TLN2: variants seen among roughly 807,000 people sequenced by gnomAD.
TLN2 encodes talin-2.
TLN2 carries 118 observed loss-of-function variants against 294.7 expected under a neutral mutation model. That is an observed-to-expected ratio of 0.40 (90% confidence interval 0.34 to 0.47). The LOEUF is 0.47. Ranked by LOEUF, TLN2 falls within the 20% of genes least tolerant of loss-of-function variation. The pLI is 0.84. For missense variants in TLN2, 3,083 were observed against 3,282.2 expected (o/e 0.94, Z 1.48); for synonymous variants, 1,431 against 1,304.5 (o/e 1.10, Z -2.09).
chr15:62,709,717 CT>C (rs1555483275), intron 21 of TLN2, among the ~76,000 whole-genome samples: 13 of 120,688 alleles, frequency 1.1e-4, no homozygotes, highest in South Asian at 5.3e-4. Flanking sequence ...ATCTTAAAGA[CT>C]TTTTTTTTCT....
chr15:62,437,209 T>C (rs2035327193), intron 1 of TLN2, among the ~76,000 whole-genome samples: 1 of 152,202 alleles, frequency 6.6e-6, no homozygotes, highest in African/African-American at 2.4e-5. Flanking sequence ...GGAGGGCGTC[T>C]CCCATGTTGG....
rs1424834542 is a variant in TLN2, at chr15:62,738,261, C to T, written c.3615C>T (p.Leu1205=). 6.2e-7 allele frequency: 1 copy of T among 1,614,036 alleles called. No homozygotes were observed. Among genetic ancestry groups the T allele is most frequent in the Non-Finnish European group, 8.5e-7 (1 of 1,180,012 alleles). The change falls in exon 30 of 59, where the codon CTC becomes CTT. Residue 1205 remains leucine (L), a synonymous_variant. Coordinates refer to ENST00000636159, the MANE Select transcript of TLN2 (RefSeq NM_015059.3). ...SHSLNNCVNC[L]PGQKDVDVAL... ...CCTTGAATAACTGCGTAAATTGCCT[C>T]CCTGGGCAGAAGGATGTGGACGTGG...
intron 54 of TLN2, chr15:62,829,156 ATATAATATATAT>A (rs967219607): frequency 4.2e-4 from 2 of 4,786 alleles, no homozygotes; most frequent in African/African-American, 4.5e-4. Context: ...AGGTATATAT[ATATAATATATAT>A]TATATTATAT....
At chr15:62,588,665 CATATATATAT>C (rs3055752) in intron 1 of TLN2, among the ~76,000 whole-genome samples, 6,078 of 71,410 alleles carry the variant, frequency 0.085, 299 homozygotes, top group South Asian at 0.28. Flanking sequence ...ACATTTTTTT[CATATATATAT>C]ATATATATAT....
At chr15:62,829,669 C>CTAAT (rs1567697401) in intron 54 of TLN2, 1 of 152,184 alleles carries the variant, frequency 6.6e-6, no homozygotes, top group African/African-American at 2.4e-5. Flanking sequence ...TTACACTGTT[C>CTAAT]TAATTATTTT....
rs2058167815 is a variant in TLN2, at chr15:62,694,337, G to A, written c.1237G>A (p.Gly413Arg). 1 of 1,613,900 alleles carries A rather than the reference G, an allele frequency of 6.2e-7. No homozygotes were observed. The highest frequency in any genetic ancestry group is 1.3e-5 in the African/African-American group (1 of 74,866). The change falls in exon 14 of 59, where the codon GGA (glycine) becomes AGA (arginine). Residue 413 changes from glycine to arginine, a missense_variant. Gly to Arg is a moderately radical substitution (Grantham distance 125). Coordinates refer to ENST00000636159, the MANE Select transcript of TLN2 (RefSeq NM_015059.3). Reference protein sequence around the residue: ...LKKKQSKDRFGLEGDEESTML... With the variant: ...LKKKQSKDRFRLEGDEESTML... ...CCAGAAACAAAGTAAAGATCGATTTGGACTAGAAGGTGATGAGGAGTCAAC... is the reference window on the plus strand; with the variant it reads ...CCAGAAACAAAGTAAAGATCGATTTAGACTAGAAGGTGATGAGGAGTCAAC...
chr15:62,623,759 A>G (rs2049034434), intron 3 of TLN2, among the ~76,000 whole-genome samples: 1 of 152,252 alleles, frequency 6.6e-6, no homozygotes, highest in African/African-American at 2.4e-5. Flanking sequence ...CTTTGGTTTT[A>G]CTGTTTCTTT....
rs372836069 is a variant in TLN2, at chr15:62,761,712, G to C, written c.4670G>C (p.Arg1557Pro). The C allele has an allele frequency of 1.2e-6, 2 of 1,614,060 alleles. No individual in the cohort carries two copies. The highest frequency in any genetic ancestry group is 1.1e-5 in the South Asian group (1 of 91,060). The change falls in exon 38 of 59, where the codon CGC becomes CCC. Residue 1557 changes from arginine to proline, a missense_variant. Transcript: ENST00000636159. ...ALDGDFSEDN[R>P]NKCRIATAPL... ...GATGGGGATTTCTCTGAAGACAACCGCAATAAGTGTCGCATCGCCACCGCA... is the reference window on the plus strand; with the variant it reads ...GATGGGGATTTCTCTGAAGACAACCCCAATAAGTGTCGCATCGCCACCGCA...
chr15:62,687,822 C>G (rs1201300161), intron 12 of TLN2: 1 of 152,222 alleles, frequency 6.6e-6, no homozygotes, highest in Non-Finnish European at 1.5e-5. Flanking sequence ...AACATACCTT[C>G]TTTCCTCTTG....
Position 62,755,527 on chromosome 15 carries a change from T to A in TLN2, c.4477-5T>A, listed in dbSNP as rs1013152085. 1 of 1,613,920 alleles carries A rather than the reference T, an allele frequency of 6.2e-7. No individual in the cohort carries two copies. The highest frequency in any genetic ancestry group is 8.5e-7 in the Non-Finnish European group (1 of 1,179,932). ...GTACCCCCAACCTAGCTCCATGCTT[T>A]GTAGGTCCTGTCAGCCGCCACAATT... On this transcript the variant is annotated splice_region_variant and splice_polypyrimidine_tract_variant and intron_variant, in intron 36 of 58. Coordinates refer to ENST00000636159, the MANE Select transcript of TLN2 (RefSeq NM_015059.3).
chr15:62,501,708 G>C (rs885188), intron 1 of TLN2, among the ~76,000 whole-genome samples: 31,142 of 152,120 alleles, frequency 0.2, 4,835 homozygotes, highest in African/African-American at 0.44. Context: ...GTTGTTTTTT[G>C]TTTAATTGGA....
intron 3 of TLN2, among the ~76,000 whole-genome samples, chr15:62,641,708 A>ATC (rs1307125590): frequency 6.6e-6 from 1 of 152,102 alleles, no homozygotes; most frequent in Non-Finnish European, 1.5e-5. Flanking sequence ...TTCTCTAGCG[A>ATC]TCTTATAGGT....
chr15:62,511,643 G>C (rs2039946248), intron 1 of TLN2, among the ~76,000 whole-genome samples: 1 of 151,958 alleles, frequency 6.6e-6, no homozygotes, highest in African/African-American at 2.4e-5. Context: ...ACTGACAGAG[G>C]GATGTTTCTG....
chr15:62,590,374 G>A (rs2045986428), intron 2 of TLN2, among the ~76,000 whole-genome samples: 1 of 152,072 alleles, frequency 6.6e-6, no homozygotes, highest in Admixed American at 6.6e-5. Flanking sequence ...GTTTCCGTGT[G>A]TTCTCATCAT....
At chr15:62,811,372 G>C (rs559695923) in intron 52 of TLN2, among the ~76,000 whole-genome samples, 1 of 152,350 alleles carries the variant, frequency 6.6e-6, no homozygotes, top group South Asian at 2.1e-4. Flanking sequence ...TAGCTAGACA[G>C]GTTGGGAAAT....
chr15:62,490,659 A>G (rs2140406055), intron 1 of TLN2, among the ~76,000 whole-genome samples: 1 of 152,314 alleles, frequency 6.6e-6, no homozygotes, highest in Non-Finnish European at 1.5e-5. Context: ...TTTTAAAGAC[A>G]CAGCTATATG....
intron 1 of TLN2, among the ~76,000 whole-genome samples, chr15:62,423,001 C>T (rs1188864755): frequency 6.6e-6 from 1 of 152,238 alleles, no homozygotes; most frequent in East Asian, 1.9e-4. Context: ...GCATGGTCTG[C>T]ACAGTGTAGT....
intron 16 of TLN2, among the ~76,000 whole-genome samples, chr15:62,700,672 A>G (rs141895897): frequency 2.0e-5 from 3 of 152,340 alleles, no homozygotes; most frequent in Admixed American, 6.5e-5. Context: ...CTACATTGAC[A>G]GAGAACATGT....
intron 1 of TLN2, among the ~76,000 whole-genome samples, chr15:62,527,763 C>T (rs1316806488): frequency 6.6e-6 from 1 of 152,202 alleles, no homozygotes; most frequent in Non-Finnish European, 1.5e-5. Flanking sequence ...CTGCCAGCCT[C>T]TTTGTCTCAA....
Sources: allele counts gnomAD v4.1 joint callset (sites outside exome capture counted in the v4.1 genomes callset), GRCh38; gene constraint gnomAD v4.1.1; transcripts MANE v1.5; gene names NCBI Gene and HGNC (gene_info 2026-07-23, HGNC 2026-07-21).